The following MYOF variants were observed in gnomAD, a reference collection of about 807,000 sequenced individuals.
MYOF encodes myoferlin.
MYOF carries 244 observed loss-of-function variants against 284.2 expected under a neutral mutation model. That is an observed-to-expected ratio of 0.86 (90% confidence interval 0.77 to 0.95). The LOEUF (loss-of-function observed/expected upper bound fraction) is 0.95. Ranked by LOEUF, MYOF falls within the 40% of genes least tolerant of loss-of-function variation. MYOF has a pLI of 0.00. For missense variants in MYOF, 2,496 were observed against 2,560.6 expected (o/e 0.97, Z 0.54); for synonymous variants, 904 against 919.7 (o/e 0.98, Z 0.31).
chr10:93,395,172 C>T (rs530637510), intron 16 of MYOF, among the ~76,000 whole-genome samples: 6 of 152,142 alleles, frequency 3.9e-5, no homozygotes, highest in Non-Finnish European at 5.9e-5. Flanking sequence ...GGGCTGGACA[C>T]GGTGGCTCAC....
At chr10:93,320,175 G>C (rs138720238) in intron 48 of MYOF, among the ~76,000 whole-genome samples, 162 bp from the exon 49 acceptor site, 1 of 152,254 alleles carries the variant, frequency 6.6e-6, no homozygotes, top group East Asian at 1.9e-4. Flanking sequence ...TGGAGGGGAG[G>C]TGCTCTATTG....
In MYOF at chr10:93,310,603, T is replaced by G. The variant is rs764048926; in HGVS notation, c.5930A>C (p.Glu1977Ala). The change falls in exon 52 of 54, where the codon GAG becomes GCG. Residue 1977 changes from glutamate (E) to alanine (A), a missense_variant. By Grantham distance (107) the Glu-to-Ala change is moderately radical (BLOSUM62 -1). Around this residue, in one of 3 missense-constraint regions of MYOF, gnomAD observed 2,436 missense variants for 2,480.7 expected, o/e 0.98. Coordinates refer to ENST00000359263, the MANE Select transcript of MYOF (RefSeq NM_013451.4). ...EMTLEILNEK[E>A]ADERPAGKGR... is the part of the protein sequence containing the mutation. ...CTTCCCGGCTGGCCTCTCGTCGGCC[T>G]CCTTCTCGTTGAGGATTTCCAATGT... 2 of 1,614,210 alleles carry G rather than the reference T, an allele frequency of 1.2e-6. No homozygotes were observed. Among genetic ancestry groups the G allele is most frequent in the Non-Finnish European group, 1.7e-6 (2 of 1,180,028 alleles).
intron 2 of MYOF, among the ~76,000 whole-genome samples, chr10:93,455,333 AC>A (rs1382983372): frequency 7.9e-5 from 12 of 151,796 alleles, no homozygotes; most frequent in African/African-American, 1.9e-4. Context: ...AACAAAAAAA[AC>A]CCCCAAGGCA....
chr10:93,426,267 A>G, intron 4 of MYOF, 109 bp from the exon 5 acceptor site: 2 of 1,064,482 alleles, frequency 1.9e-6, no homozygotes, highest in South Asian at 1.6e-5. Context: ...GGGGTAAGAG[A>G]GAGGGAGTAG....
At chr10:93,369,499 G>T in intron 25 of MYOF, 146 bp downstream of exon 25, 1 of 1,142,758 alleles carries the variant, frequency 8.8e-7, no homozygotes. Flanking sequence ...TTATCCCTTA[G>T]GTTAAGATCC....
intron 35 of MYOF, 26 bp from the exon 36 acceptor site, chr10:93,349,995 G>C (rs1305808173): frequency 1.2e-6 from 2 of 1,605,974 alleles, no homozygotes; most frequent in South Asian, 1.1e-5. Context: ...AAAGAGAGGG[G>C]AAGGTAACTC....
intron 1 of MYOF, among the ~76,000 whole-genome samples, chr10:93,462,241 T>G (rs2056901779): frequency 6.6e-6 from 1 of 152,112 alleles, no homozygotes; most frequent in African/African-American, 2.4e-5. Context: ...AGCTAATTTT[T>G]ATATTTTTAG....
chr10:93,450,732 C>G (rs766073762), intron 3 of MYOF, among the ~76,000 whole-genome samples: 3 of 152,196 alleles, frequency 2.0e-5, no homozygotes, highest in Non-Finnish European at 4.4e-5. Context: ...AATTTTTGCT[C>G]TCACTGCAGC....
chr10:93,329,925 G>C (rs1012036811), intron 43 of MYOF, 91 bp from the exon 44 acceptor site: 7 of 1,349,958 alleles, frequency 5.2e-6, no homozygotes, highest in Non-Finnish European at 7.3e-6. Flanking sequence ...CCCAGGCTGT[G>C]TGTAGTATGG....
chr10:93,457,273 T>G (rs1364199648), intron 1 of MYOF, among the ~76,000 whole-genome samples: 1 of 152,196 alleles, frequency 6.6e-6, no homozygotes, highest in East Asian at 1.9e-4. Context: ...TGCTATTTTA[T>G]AGATGAGGAT....
At chr10:93,324,868 C>T (rs151328398) in intron 46 of MYOF, among the ~76,000 whole-genome samples, 388 of 152,198 alleles carry the variant, frequency 2.5e-3, no homozygotes, top group Non-Finnish European at 4.1e-3. Context: ...CAACCTCCAC[C>T]TCCCTGGTTC....
chr10:93,369,803 G>A, intron 24 of MYOF, 27 bp from the exon 25 acceptor site: 1 of 1,613,722 alleles, frequency 6.2e-7, no homozygotes, highest in Non-Finnish European at 8.5e-7. Flanking sequence ...AGCATGTGAT[G>A]TTACATTAGG....
At chr10:93,411,351 G>A (rs1236898510) in intron 5 of MYOF, among the ~76,000 whole-genome samples, 2 of 152,202 alleles carry the variant, frequency 1.3e-5, no homozygotes, top group East Asian at 3.9e-4. Flanking sequence ...CTCCCATGAT[G>A]GAAGAAGCAA....
At chr10:93,311,717 C>A (rs1288584919) in intron 51 of MYOF, among the ~76,000 whole-genome samples, 18 of 152,158 alleles carry the variant, frequency 1.2e-4, no homozygotes, top group African/African-American at 4.1e-4. Context: ...ATTTGGGAAG[C>A]CCTGGCCCTG....
chr10:93,471,465 G>A (rs2057143840), intron 1 of MYOF, among the ~76,000 whole-genome samples: 1 of 152,146 alleles, frequency 6.6e-6, no homozygotes, highest in Admixed American at 6.5e-5. Context: ...GAGGTTGTGA[G>A]TTGTTTCTTC....
chr10:93,422,203 C>T (rs546981716), intron 5 of MYOF, among the ~76,000 whole-genome samples: 1 of 152,356 alleles, frequency 6.6e-6, no homozygotes, highest in East Asian at 1.9e-4. Context: ...CATTTGCAGA[C>T]CAACACTTGG....
At chr10:93,349,635 T>C (rs1564638880) in intron 36 of MYOF, among the ~76,000 whole-genome samples, 173 bp downstream of exon 36, 1 of 152,158 alleles carries the variant, frequency 6.6e-6, no homozygotes, top group East Asian at 1.9e-4. Flanking sequence ...TAAGAAATCA[T>C]CACTACAGTG....
At chr10:93,355,775 A>G (rs1232309711) in intron 30 of MYOF, 39 bp from the exon 31 acceptor site, 4 of 1,485,530 alleles carry the variant, frequency 2.7e-6, no homozygotes, top group African/African-American at 1.4e-5. Flanking sequence ...AGAGAAGTCA[A>G]TAAACACTGC....
intron 12 of MYOF, among the ~76,000 whole-genome samples, chr10:93,401,071 T>C (rs141267086): frequency 4.0e-4 from 61 of 151,406 alleles, no homozygotes; most frequent in Non-Finnish European, 8.2e-4. Flanking sequence ...GATTTGATAA[T>C]AACAGTTCAC....
Sources: allele counts gnomAD v4.1 joint callset (sites outside exome capture counted in the v4.1 genomes callset), GRCh38; gene constraint gnomAD v4.1.1; regional missense constraint gnomAD v4.1.1; transcripts MANE v1.5; gene names NCBI Gene and HGNC (gene_info 2026-07-23, HGNC 2026-07-21).